Variants in ANKRD26 observed in about 807,000 individuals in gnomAD.
ANKRD26 encodes the protein ankyrin repeat domain 26, also known as ankyrin repeat domain-containing protein 26.
In ANKRD26, 141 loss-of-function variants were observed where a neutral mutation model predicts 208.7. That is an observed-to-expected ratio of 0.68 (90% CI 0.59 to 0.78). ANKRD26 has a LOEUF of 0.78. ANKRD26 is among the 30% of genes least tolerant of loss of function. The probability of loss-of-function intolerance (pLI) is 0.00; values close to 1 mark genes in which losing one functional copy is unlikely to be tolerated. For synonymous variants in ANKRD26, 636 were observed against 660.4 expected (o/e 0.96, Z 0.57); for missense variants, 1,889 against 1,938.7 (o/e 0.97, Z 0.48).
rs1050796063 is a variant in ANKRD26 at position 27,071,748 on chromosome 10, C to T, written c.1078-4462G>A. 4.5e-4 allele frequency among the ~76,000 whole-genome samples: 68 copies of T among 152,114 alleles called. 3 individuals are homozygous for T. The highest frequency in any genetic ancestry group is 1.7e-4 in the African/African-American group (7 of 41,446). On this transcript the variant is annotated intron_variant, in intron 9 of 33. Transcript: ENST00000376087. ...AAATCGTGAGCCTCTAGAGTGTGAACGGGAGAGATGGTCCCTGGAACACAC... is the reference window on the plus strand; with the variant it reads ...AAATCGTGAGCCTCTAGAGTGTGAATGGGAGAGATGGTCCCTGGAACACAC...
rs1406072358 is a variant in ANKRD26 at position 27,092,473 on chromosome 10, T to C, written c.571A>G (p.Lys191Glu). ...TPLLLAVSGKKQQMVEFLIKK... is the reference protein window; with the variant it reads ...TPLLLAVSGKEQQMVEFLIKK... ...ATTAAAAATTCCACCATTTGCTGCT[T>C]TTTTCCACTTACTGCAAGTAAAAGT... Residue 191 changes from lysine (K) to glutamate (E), a missense_variant, in exon 4 of 34, where the codon AAG becomes GAG. Around this residue, in one of 3 missense-constraint regions of ANKRD26, gnomAD observed 1,272 missense variants for 1,273.8 expected, o/e 1.00. Coordinates refer to ENST00000376087, the MANE Select transcript of ANKRD26 (RefSeq NM_014915.3). The C allele has an allele frequency of 6.2e-7, 1 of 1,613,778 alleles. No homozygotes were observed. Among genetic ancestry groups the C allele is most frequent in the Non-Finnish European group, 8.5e-7 (1 of 1,179,948 alleles).
chr10:27,028,307 A>C (rs1044259207), intron 27 of ANKRD26, among the ~76,000 whole-genome samples: 10 of 152,124 alleles, frequency 6.6e-5, no homozygotes, highest in Non-Finnish European at 1.3e-4. Flanking sequence ...TAAAATATTC[A>C]TAAAAGTGGC....
At chr10:27,010,139 C>G (rs1190595052) in intron 32 of ANKRD26, among the ~76,000 whole-genome samples, 1 of 152,074 alleles carries the variant, frequency 6.6e-6, no homozygotes, top group Non-Finnish European at 1.5e-5. Context: ...TTTAAAAGTT[C>G]TATTCTTTCA....
chr10:27,096,130 T>G (rs2056458273), intron 1 of ANKRD26, among the ~76,000 whole-genome samples: 1 of 152,234 alleles, frequency 6.6e-6, no homozygotes, highest in Non-Finnish European at 1.5e-5. Context: ...TCAGGCTTGA[T>G]TTCCTGGGGA....
At chr10:27,076,280 TAGATGGAA>T (rs2055695875) in intron 9 of ANKRD26, among the ~76,000 whole-genome samples, 5 of 150,898 alleles carry the variant, frequency 3.3e-5, no homozygotes, top group Non-Finnish European at 4.4e-5. Flanking sequence ...TTTTTTTTTT[TAGATGGAA>T]TTTCACTCTT....
At chr10:26,988,229 T>A (rs970465293), downstream of ANKRD26, among the ~76,000 whole-genome samples, 4 of 152,168 alleles carry the variant, frequency 2.6e-5, no homozygotes, top group African/African-American at 9.7e-5. Flanking sequence ...TTCTTAGTGA[T>A]GGACATTGGG....
At chr10:26,980,093 T>C (rs1308769489) in intron 5 of ANKRD26, among the ~76,000 whole-genome samples, 2 of 152,248 alleles carry the variant, frequency 1.3e-5, no homozygotes, top group African/African-American at 4.8e-5. Flanking sequence ...CCATTTTTAT[T>C]GTTCTCAAGG....
the ANKRD26 span, among the ~76,000 whole-genome samples, chr10:26,959,944 C>T: frequency 6.6e-6 from 1 of 152,080 alleles, no homozygotes; most frequent in Non-Finnish European, 1.5e-5. Flanking sequence ...TGACACCTCT[C>T]CCATCAAGAG....
chr10:27,045,250 C>A (rs1402715657), intron 18 of ANKRD26, among the ~76,000 whole-genome samples: 1 of 152,018 alleles, frequency 6.6e-6, no homozygotes, highest in African/African-American at 2.4e-5. Flanking sequence ...ATGGCGCAAC[C>A]CTGTCTCTAC....
At chr10:27,041,847 C>T (rs2135264829) in intron 20 of ANKRD26, among the ~76,000 whole-genome samples, 1 of 151,954 alleles carries the variant, frequency 6.6e-6, no homozygotes, top group African/African-American at 2.4e-5. Context: ...AAACTATAAT[C>T]CCACAGATTC....
intron 20 of ANKRD26, among the ~76,000 whole-genome samples, chr10:27,042,839 G>A (rs1429721154): frequency 1.5e-5 from 2 of 132,808 alleles, no homozygotes; most frequent in Admixed American, 7.7e-5. Context: ...GGTGGCACAC[G>A]CCTATCATAT....
intron 25 of ANKRD26, chr10:27,030,721 A>G (rs1323720708): frequency 2.7e-6 from 1 of 366,872 alleles, no homozygotes. Context: ...TACTTAAAAT[A>G]TATTTAGAAT....
intron 7 of ANKRD26, among the ~76,000 whole-genome samples, chr10:27,078,531 A>T (rs1035704413): frequency 3.3e-5 from 5 of 152,222 alleles, no homozygotes; most frequent in African/African-American, 1.2e-4. Flanking sequence ...AGGCACACTG[A>T]GAAACACAGA....
intron 15 of ANKRD26, among the ~76,000 whole-genome samples, chr10:27,056,942 C>T (rs35007099): frequency 2.0e-5 from 3 of 152,132 alleles, no homozygotes; most frequent in Non-Finnish European, 2.9e-5. Context: ...CTAATAGAAA[C>T]TAAGCTCCAA....
downstream of ANKRD26, among the ~76,000 whole-genome samples, chr10:26,970,942 A>G (rs552164675): frequency 6.6e-6 from 1 of 152,336 alleles, no homozygotes; most frequent in Non-Finnish European, 1.5e-5. Context: ...ATATAAGACA[A>G]ATGAAGGCAA....
In ANKRD26 at chr10:27,093,819, T is replaced by TTTTATAAACTGTAG. The variant is rs766712010; in HGVS notation, c.243-34_243-21dup. 2 of 1,546,036 alleles carry TTTTATAAACTGTAG rather than the reference T, an allele frequency of 1.3e-6. No individual in the cohort carries two copies. Among genetic ancestry groups the TTTTATAAACTGTAG allele is most frequent in the Non-Finnish European group, 1.8e-6 (2 of 1,118,108 alleles). ...GCCGTCCTATGAGAGTGACAGGACT[T>TTTTATAAACTGTAG]TTTATAAACTGTAGTGCACTGTCTC... On this transcript the variant is annotated intron_variant, in intron 1 of 33. Coordinates refer to ENST00000376087, the MANE Select transcript of ANKRD26 (RefSeq NM_014915.3).
In ANKRD26 at chr10:27,043,551, T is replaced by C; in HGVS notation, c.2036A>G (p.Gln679Arg). The change falls in exon 20 of 34, where the codon CAG becomes CGG. Residue 679 changes from glutamine (Q) to arginine (R), a missense_variant. Around this residue, in one of 3 missense-constraint regions of ANKRD26, gnomAD observed 1,272 missense variants for 1,273.8 expected, o/e 1.00. Transcript: ENST00000376087. ...TAAGTCATCAACATCATCCATAGACTGTATTTGGTTTTTGACCTATGAAAT... is the reference window on the plus strand; with the variant it reads ...TAAGTCATCAACATCATCCATAGACCGTATTTGGTTTTTGACCTATGAAAT... ...NEKNKVKNQIQSMDDVDDLTQ... is the reference protein window; with the variant it reads ...NEKNKVKNQIRSMDDVDDLTQ... The C allele has an allele frequency of 6.2e-7, 1 of 1,613,816 alleles. No individual in the cohort carries two copies. The highest frequency in any genetic ancestry group is 8.5e-7 in the Non-Finnish European group (1 of 1,179,808).
At chr10:26,982,597 T>TA (rs892016577) in intron 4 of ANKRD26, among the ~76,000 whole-genome samples, 317 of 140,344 alleles carry the variant, frequency 2.3e-3, no homozygotes, top group Middle Eastern at 3.6e-3. Flanking sequence ...CATGGAGATT[T>TA]AAAAAAAAAA....
At chr10:26,995,960 G>A (rs2052583684) in intron 4 of ANKRD26, among the ~76,000 whole-genome samples, 2 of 152,124 alleles carry the variant, frequency 1.3e-5, no homozygotes, top group Admixed American at 6.5e-5. Flanking sequence ...TACAGTCCAC[G>A]TATATCATGT....
Sources: allele counts gnomAD v4.1 joint callset (sites outside exome capture counted in the v4.1 genomes callset), GRCh38; gene constraint gnomAD v4.1.1; regional missense constraint gnomAD v4.1.1; transcripts MANE v1.5; gene names NCBI Gene and HGNC (gene_info 2026-07-23, HGNC 2026-07-21).